PGM5: variants seen among roughly 807,000 people sequenced by gnomAD.
PGM5 encodes phosphoglucomutase 5, also known as phosphoglucomutase-like protein 5.
PGM5 carries 23 observed loss-of-function variants against 59.2 expected under a neutral mutation model. The observed-to-expected ratio is 0.39, with a 90% CI of 0.28 to 0.55. The LOEUF is 0.55. PGM5 is among the 20% of genes least tolerant of loss of function. The pLI is 0.66. For synonymous variants in PGM5, 214 were observed against 286.0 expected (o/e 0.75, Z 2.54); for missense variants, 574 against 748.3 (o/e 0.77, Z 2.72).
intron 4 of PGM5, 96 bp from the exon 5 acceptor site, chr9:68,391,438 T>C: frequency 1.1e-6 from 1 of 902,158 alleles, no homozygotes. Flanking sequence ...GTTTTTCTTC[T>C]GGGTTATTAA....
intron 9 of PGM5, 75 bp from the exon 10 acceptor site, chr9:68,499,152 C>T: frequency 1.3e-6 from 2 of 1,496,504 alleles, no homozygotes; most frequent in East Asian, 2.3e-5. Context: ...ATGCTGATTT[C>T]TGTGGCAGGT....
intron 6 of PGM5, among the ~76,000 whole-genome samples, chr9:68,446,805 T>TTTGGTCTTATAAGTCATTTG (rs1554684027): frequency 6.6e-6 from 1 of 152,246 alleles, no homozygotes; most frequent in Non-Finnish European, 1.5e-5. Context: ...TGTGTTCTGT[T>TTTGGTCTTATAAGTCATTTG]CCACTTGGTC....
At chr9:68,409,805 G>A (rs1199726710) in intron 6 of PGM5, among the ~76,000 whole-genome samples, 4 of 145,536 alleles carry the variant, frequency 2.7e-5, no homozygotes, top group African/African-American at 1.0e-4. Context: ...CAGCCCACCA[G>A]CATGGCACAT....
At chr9:68,511,545 CTTTTTTTTTTTTTT>C (rs3064033) in intron 10 of PGM5, among the ~76,000 whole-genome samples, 1 of 62,728 alleles carries the variant, frequency 1.6e-5, no homozygotes, top group Non-Finnish European at 2.8e-5. Context: ...TTGTTTTTGC[CTTTTTTTTTTTTTT>C]TTTTTTTTTT....
rs189074385 is a variant in PGM5 at position 68,518,113 on chromosome 9, G to A, written c.1615-11454G>A. Among the ~76,000 whole-genome samples, 26 of 152,294 alleles carry A rather than the reference G, an allele frequency of 1.7e-4. No individual in the cohort carries two copies. In the Middle Eastern group the frequency reaches 0.01, roughly 60 times the overall value. ...GCAGACCTGTGTGGCATTTTCGTGT[G>A]GCCAAAAGAAATATGGTTAGTTAAG... On this transcript the variant is annotated intron_variant, in intron 10 of 10. Transcript: ENST00000396396.
At chr9:68,486,173 G>A (rs1554687534) in intron 9 of PGM5, among the ~76,000 whole-genome samples, 1 of 152,080 alleles carries the variant, frequency 6.6e-6, no homozygotes, top group East Asian at 1.9e-4. Context: ...TAAGTACCTT[G>A]GTGCATTCAT....
chr9:68,397,736 T>C (rs1554680162), intron 6 of PGM5: 1 of 152,144 alleles, frequency 6.6e-6, no homozygotes, highest in Admixed American at 6.6e-5. Flanking sequence ...GCAGTACTCA[T>C]TGGTGGGCAT....
chr9:68,463,805 G>T (rs567276435), intron 6 of PGM5, among the ~76,000 whole-genome samples: 4 of 152,184 alleles, frequency 2.6e-5, no homozygotes, highest in African/African-American at 7.2e-5. Flanking sequence ...TTTAATGCTG[G>T]CAATACAGCA....
intron 10 of PGM5, among the ~76,000 whole-genome samples, chr9:68,526,740 C>T (rs184433338): frequency 6.6e-6 from 1 of 152,272 alleles, no homozygotes; most frequent in Admixed American, 6.5e-5. Flanking sequence ...TTTAAAATTT[C>T]TCCCTAATAT....
chr9:68,511,668 A>T (rs1404606636), intron 10 of PGM5, among the ~76,000 whole-genome samples: 5 of 145,638 alleles, frequency 3.4e-5, no homozygotes, highest in South Asian at 2.2e-4. Context: ...CTCCTGCCTC[A>T]GCTTCCTGAG....
At chr9:68,392,526 G>C in intron 6 of PGM5, 53 bp downstream of exon 6, 1 of 1,594,906 alleles carries the variant, frequency 6.3e-7, no homozygotes, top group South Asian at 1.1e-5. Flanking sequence ...TGGCGTTGAT[G>C]TCTCCTTTGT....
At chr9:68,359,185 C>T (rs2131967990) in intron 1 of PGM5, among the ~76,000 whole-genome samples, 1 of 152,324 alleles carries the variant, frequency 6.6e-6, no homozygotes, top group African/African-American at 2.4e-5. Flanking sequence ...GACTCCTCAG[C>T]TTCTTACTTC....
intron 9 of PGM5, among the ~76,000 whole-genome samples, chr9:68,484,454 C>T (rs145331860): frequency 1.3e-5 from 2 of 151,066 alleles, no homozygotes; most frequent in East Asian, 1.9e-4. Flanking sequence ...GTGGGAGGAT[C>T]GCTTGAGCCC....
intron 6 of PGM5, among the ~76,000 whole-genome samples, chr9:68,435,531 G>T (rs1823430570): frequency 6.6e-6 from 1 of 152,060 alleles, no homozygotes; most frequent in African/African-American, 2.4e-5. Flanking sequence ...GAGGTCTTTT[G>T]TATCTGGTTT....
At chr9:68,497,484 G>T (rs138828576) in intron 9 of PGM5, 2 of 152,090 alleles carry the variant, frequency 1.3e-5, no homozygotes, top group African/African-American at 4.8e-5. Context: ...ATTTATTTGG[G>T]GATTGAAACA....
chr9:68,511,314 C>T (rs1353542646), intron 10 of PGM5, among the ~76,000 whole-genome samples: 4 of 152,118 alleles, frequency 2.6e-5, no homozygotes, highest in Non-Finnish European at 5.9e-5. Context: ...CCTAGAATCT[C>T]TAAATGTCAA....
At chr9:68,475,454 TA>T (rs1824089305) in intron 7 of PGM5, among the ~76,000 whole-genome samples, 1 of 152,130 alleles carries the variant, frequency 6.6e-6, no homozygotes, top group South Asian at 2.1e-4. Flanking sequence ...ATAACCATGT[TA>T]AGAGTTTGGT....
intron 10 of PGM5, among the ~76,000 whole-genome samples, chr9:68,510,295 G>T (rs548196542): frequency 6.6e-6 from 1 of 151,624 alleles, no homozygotes; most frequent in African/African-American, 2.4e-5. Context: ...GGGACTACAC[G>T]CACCCGCCAC....
chr9:68,425,948 T>C (rs1823229759), intron 6 of PGM5, among the ~76,000 whole-genome samples: 2 of 152,202 alleles, frequency 1.3e-5, no homozygotes, highest in African/African-American at 4.8e-5. Context: ...AAAAGAGCGA[T>C]ACTTTCTGAC....
Sources: gnomAD v4.1 joint callset for allele counts (sites outside exome capture counted in the v4.1 genomes callset) on GRCh38, gnomAD v4.1.1 for gene constraint, MANE v1.5 for transcripts, NCBI Gene and HGNC (gene_info 2026-07-23, HGNC 2026-07-21) for gene names.